The following SGCZ variants were observed in gnomAD, a reference collection of about 807,000 sequenced individuals.
SGCZ encodes the protein zeta-sarcoglycan.
A neutral mutation model predicts 41.3 loss-of-function variants in SGCZ; 40 were observed. The ratio of observed to expected loss-of-function variants is 0.97; its 90% CI spans 0.75 to 1.26. The LOEUF is 1.26. Among genes scored for constraint, SGCZ ranks in the 50% most tolerant of loss-of-function variants. SGCZ has a pLI of 0.00. For synonymous variants in SGCZ, 206 were observed against 137.5 expected (o/e 1.50, Z -3.49); for missense variants, 552 against 369.8 (o/e 1.49, Z -4.04).
intron 2 of SGCZ, among the ~76,000 whole-genome samples, chr8:14,362,982 A>AT (rs1187265772): frequency 6.6e-6 from 1 of 152,174 alleles, no homozygotes; most frequent in Admixed American, 6.5e-5. Context: ...GACTTTACAG[A>AT]TTTTTTTCAA....
At chr8:14,684,685 GTTTTTCCT>G (rs1808553411) in intron 1 of SGCZ, among the ~76,000 whole-genome samples, 2 of 119,596 alleles carry the variant, frequency 1.7e-5, no homozygotes, top group Admixed American at 7.7e-5. Context: ...CGACACCTTT[GTTTTTCCT>G]TTTTTTGTTT....
At chr8:14,385,401 AC>A (rs1563295056) in intron 2 of SGCZ, among the ~76,000 whole-genome samples, 2 of 152,154 alleles carry the variant, frequency 1.3e-5, no homozygotes, top group African/African-American at 4.8e-5. Context: ...AGCAATTAAA[AC>A]CATTAATTCT....
At chr8:15,221,343 G>A (rs758982440) in intron 1 of SGCZ, among the ~76,000 whole-genome samples, 4 of 152,132 alleles carry the variant, frequency 2.6e-5, no homozygotes, top group Admixed American at 6.6e-5. Flanking sequence ...GGGCTAATGA[G>A]TAAGATTTAT....
At chr8:14,267,156 A>T (rs115666056) in intron 3 of SGCZ, among the ~76,000 whole-genome samples, 1,766 of 152,118 alleles carry the variant, frequency 0.012, 29 homozygotes, top group African/African-American at 0.039. Context: ...AGTTATTATT[A>T]TTATTTTCTT....
intron 1 of SGCZ, among the ~76,000 whole-genome samples, chr8:15,068,845 G>A (rs1277617308): frequency 2.0e-5 from 3 of 152,128 alleles, no homozygotes; most frequent in African/African-American, 4.8e-5. Flanking sequence ...AAACCACAGA[G>A]TCTAAATATT....
chr8:14,518,234 T>C (rs1192010221), intron 2 of SGCZ, among the ~76,000 whole-genome samples: 1 of 152,066 alleles, frequency 6.6e-6, no homozygotes, highest in Non-Finnish European at 1.5e-5. Context: ...TAAAGCTTGC[T>C]ATTGTTGGAT....
At chr8:14,570,702 T>A (rs1457976967) in intron 1 of SGCZ, among the ~76,000 whole-genome samples, 1 of 152,148 alleles carries the variant, frequency 6.6e-6, no homozygotes, top group Admixed American at 6.5e-5. Context: ...ACCTCCAGAT[T>A]TTGGAAATGT....
chr8:14,784,710 C>G (rs1972912), intron 1 of SGCZ, among the ~76,000 whole-genome samples: 2 of 151,022 alleles, frequency 1.3e-5, no homozygotes, highest in East Asian at 3.9e-4. Flanking sequence ...GCCTGACTAA[C>G]GTGGAGAAAC....
At chr8:14,397,262 AAAGTT>A (rs1798945425) in intron 2 of SGCZ, among the ~76,000 whole-genome samples, 1 of 152,134 alleles carries the variant, frequency 6.6e-6, no homozygotes, top group East Asian at 1.9e-4. Flanking sequence ...AAATTTGATA[AAAGTT>A]AAGGATGTTC....
At position 14,696,758 on chromosome 8, in the gene SGCZ, G is replaced by A. The variant is rs187173531; in HGVS notation, c.40-141832C>T. 2.6e-3 allele frequency among the ~76,000 whole-genome samples: 388 copies of A among 151,750 alleles called. 3 individuals are homozygous for A. Among genetic ancestry groups the A allele is most frequent in the African/African-American group, 7.5e-3 (310 of 41,406 alleles). On this transcript the variant is annotated intron_variant, in intron 1 of 7. Transcript: ENST00000382080. The stretch of plus-strand genomic sequence containing the variant: ...GCCTTTAACATCAGTAACATGTGGC[G>A]TTCATAAGTGTCTGTTTGCCAAAAG...
intron 1 of SGCZ, among the ~76,000 whole-genome samples, chr8:14,881,173 T>C (rs1170505413): frequency 1.3e-5 from 2 of 152,172 alleles, no homozygotes; most frequent in Non-Finnish European, 2.9e-5. Flanking sequence ...ATATTATTAG[T>C]ATGTACATAT....
chr8:14,123,552 GCCA>G (rs1802763245), intron 5 of SGCZ, among the ~76,000 whole-genome samples: 1 of 152,098 alleles, frequency 6.6e-6, no homozygotes. Context: ...CACATCCAGA[GCCA>G]TGACCAAGAC....
intron 1 of SGCZ, among the ~76,000 whole-genome samples, chr8:14,953,946 G>T (rs1800720668): frequency 6.6e-6 from 1 of 152,022 alleles, no homozygotes; most frequent in Admixed American, 6.6e-5. Flanking sequence ...TTCATCCCCA[G>T]TCCTTTCAGT....
chr8:14,104,706 T>C (rs994958302), intron 6 of SGCZ, among the ~76,000 whole-genome samples: 1 of 152,098 alleles, frequency 6.6e-6, no homozygotes, highest in Admixed American at 6.6e-5. Flanking sequence ...GACTGCTTAA[T>C]AGAGTTTTTT....
intron 4 of SGCZ, among the ~76,000 whole-genome samples, chr8:14,192,151 T>C (rs1805124267): frequency 3.3e-5 from 5 of 152,086 alleles, no homozygotes; most frequent in Non-Finnish European, 5.9e-5. Flanking sequence ...AAATATTTCT[T>C]CATAAACTTT....
chr8:14,777,948 G>A (rs187636930), intron 1 of SGCZ, among the ~76,000 whole-genome samples: 116 of 150,966 alleles, frequency 7.7e-4, no homozygotes, highest in Admixed American at 5.2e-3. Flanking sequence ...AAAAATTGGA[G>A]ACAGGGTCTT....
chr8:14,555,060 T>TG (rs1803993175), intron 1 of SGCZ, 134 bp from the exon 2 acceptor site: 1 of 726,598 alleles, frequency 1.4e-6, no homozygotes, highest in Non-Finnish European at 2.2e-6. Flanking sequence ...AAATAACTAT[T>TG]GTTGTGTAAT....
At chr8:15,050,400 G>T (rs1478693900) in intron 1 of SGCZ, among the ~76,000 whole-genome samples, 1 of 152,114 alleles carries the variant, frequency 6.6e-6, no homozygotes, top group African/African-American at 2.4e-5. Flanking sequence ...GGAAGAAAAG[G>T]GATCGCCTGG....
chr8:15,151,991 C>A (rs1410489823), intron 1 of SGCZ, among the ~76,000 whole-genome samples: 2 of 152,070 alleles, frequency 1.3e-5, no homozygotes, highest in Non-Finnish European at 2.9e-5. Context: ...ATTCAACAGC[C>A]TTTAAAACTG....
Sources: gnomAD v4.1 joint callset for allele counts (sites outside exome capture counted in the v4.1 genomes callset) on GRCh38, gnomAD v4.1.1 for gene constraint, MANE v1.5 for transcripts, NCBI Gene and HGNC (gene_info 2026-07-23, HGNC 2026-07-21) for gene names.